The following SRCIN1 variants were observed in gnomAD, a reference collection of about 807,000 sequenced individuals.
SRCIN1 encodes the protein SRC kinase signaling inhibitor 1, also known as P130Cas-associated protein.
In SRCIN1, 50 loss-of-function variants were observed where a neutral mutation model predicts 116.2. The ratio of observed to expected loss-of-function variants is 0.43; its 90% confidence interval spans 0.34 to 0.54. The LOEUF is 0.54. Ranked by LOEUF, SRCIN1 falls within the 20% of genes least tolerant of loss-of-function variation. SRCIN1 has a pLI of 0.02. For synonymous variants in SRCIN1, 736 were observed against 750.0 expected, an observed-to-expected ratio of 0.98 and a Z score of 0.30; for missense variants, 1,446 against 1,672.0, an observed-to-expected ratio of 0.86 and a Z score of 2.36.
intron 1 of SRCIN1, among the ~76,000 whole-genome samples, chr17:38,589,647 T>C (rs909949778): frequency 1.3e-5 from 2 of 152,190 alleles, no homozygotes; most frequent in African/African-American, 2.4e-5. Context: ...CCAGCCCTCA[T>C]TCCACCTCTG....
intron 1 of SRCIN1, among the ~76,000 whole-genome samples, chr17:38,588,216 TATC>T (rs1908236800): frequency 1.3e-5 from 2 of 152,218 alleles, no homozygotes; most frequent in Non-Finnish European, 2.9e-5. Flanking sequence ...GTCAGAGTTG[TATC>T]AGACCCAGGA....
chr17:38,601,624 A>T (rs1318885827), intron 1 of SRCIN1, among the ~76,000 whole-genome samples: 1 of 144,822 alleles, frequency 6.9e-6, no homozygotes, highest in African/African-American at 2.6e-5. Context: ...CGCCCTCAAC[A>T]CATACACACA....
rs938299895 is a variant in SRCIN1 at position 38,568,863 on chromosome 17, T to A, written c.325-632A>T. Reference sequence around the variant, plus strand: ...GGTGGACAAGCAGAAAGTGTCTGAATGGAGCAGAGTGGGATCAGAACTAGA... The same window carrying A: ...GGTGGACAAGCAGAAAGTGTCTGAAAGGAGCAGAGTGGGATCAGAACTAGA... On this transcript the variant is annotated intron_variant, in intron 2 of 18. Coordinates refer to ENST00000617146, the MANE Select transcript of SRCIN1 (RefSeq NM_025248.3). This position sits in a 1 kb window ranked among gnomAD's most constrained non-coding sequence, Gnocchi z 4.5. Among the ~76,000 whole-genome samples the A allele has an allele frequency of 7.0e-6, 1 of 143,328 alleles. No individual in the cohort carries two copies. The highest frequency in any genetic ancestry group is 2.1e-4 in the East Asian group (1 of 4,836). The allele number at this position is 143,328 out of a possible 152,430, so 94.0% of individuals were successfully genotyped here. A position where few individuals can be genotyped will look rare whatever the true frequency, so the allele number is the denominator to read the frequency against.
Position 38,563,654 on chromosome 17 carries a change from G to T in SRCIN1, c.542-133C>A. On this transcript the variant is annotated intron_variant, in intron 4 of 18. Coordinates refer to ENST00000617146, the MANE Select transcript of SRCIN1 (RefSeq NM_025248.3). This position sits in a 1 kb window ranked among gnomAD's most constrained non-coding sequence, Gnocchi z 5.8. Reference sequence around the variant, plus strand: ...CTGAGGCTAGACGCCGCCCCCGAGTGCAGATGCACCCAGGCACCTCTCATG... The same window carrying T: ...CTGAGGCTAGACGCCGCCCCCGAGTTCAGATGCACCCAGGCACCTCTCATG... 1 of 1,248,114 alleles carries T rather than the reference G, an allele frequency of 8.0e-7. No homozygotes were observed. Among genetic ancestry groups the T allele is most frequent in the Non-Finnish European group, 1.1e-6 (1 of 884,824 alleles). 77.3% of individuals were successfully genotyped at this position (1,248,114 alleles called of 1,614,324 possible).
chr17:38,558,207 C>A lies in SRCIN1; in HGVS notation c.2201+20G>T, dbSNP rs374208381. On this transcript the variant is annotated intron_variant, in intron 11 of 18. Coordinates refer to ENST00000617146, the MANE Select transcript of SRCIN1 (RefSeq NM_025248.3). The surrounding 1 kb of genome is among the most constrained non-coding windows in gnomAD (Gnocchi z 4.6). The stretch of plus-strand genomic sequence containing the variant: ...CCAGCCGCACCCCCACCCCTCCCTC[C>A]GCCGCGGGCCCAGCCTCACTTGAGC... The A allele has an allele frequency of 2.5e-6, 4 of 1,605,016 alleles. No individual in the cohort carries two copies. In the Admixed American group the frequency reaches 5.0e-5, roughly 20 times the overall value.
chr17:38,584,703 A>G lies in SRCIN1; in HGVS notation c.23-5912T>C, dbSNP rs1272175334. Among the ~76,000 whole-genome samples, 3 of 152,222 alleles carry G rather than the reference A, an allele frequency of 2.0e-5. No individual in the cohort carries two copies. The East Asian group carries it at 5.8e-4, about 29-fold the overall frequency. ...TGATTATGAGAATTAAGATCCCAACATCTTAGTGACACCATCTCATAAGCC... is the reference window on the plus strand; with the variant it reads ...TGATTATGAGAATTAAGATCCCAACGTCTTAGTGACACCATCTCATAAGCC... On this transcript the variant is annotated intron_variant, in intron 1 of 18. Coordinates refer to ENST00000617146, the MANE Select transcript of SRCIN1 (RefSeq NM_025248.3).
intron 1 of SRCIN1, among the ~76,000 whole-genome samples, chr17:38,603,428 G>C (rs995469220): frequency 1.3e-5 from 2 of 151,684 alleles, no homozygotes; most frequent in African/African-American, 4.9e-5. Flanking sequence ...GTTCATTCGA[G>C]CGACCCTTCC....
chr17:38,584,761 CG>C (rs1378481883), intron 1 of SRCIN1, among the ~76,000 whole-genome samples: 2 of 152,186 alleles, frequency 1.3e-5, no homozygotes, highest in Non-Finnish European at 2.9e-5. Flanking sequence ...ATCTTTACCC[CG>C]GATGTAACCC....
intron 15 of SRCIN1, among the ~76,000 whole-genome samples, chr17:38,550,310 C>T (rs573026762): frequency 9.2e-5 from 14 of 152,072 alleles, no homozygotes; most frequent in South Asian, 2.1e-4. Context: ...CTGGCTAACA[C>T]GGTGAGACCC....
chr17:38,555,879 A>T (rs1905754165), intron 11 of SRCIN1, among the ~76,000 whole-genome samples: 1 of 152,084 alleles, frequency 6.6e-6, no homozygotes, highest in African/African-American at 2.4e-5. Flanking sequence ...AACATCACTC[A>T]GAGGGGGAAG....
At position 38,562,856 on chromosome 17, in the gene SRCIN1, C is replaced by T. The variant is rs780798384; in HGVS notation, c.805G>A (p.Gly269Ser). The T allele has an allele frequency of 4.3e-6, 7 of 1,613,796 alleles. No individual in the cohort carries two copies. Among genetic ancestry groups the T allele is most frequent in the Non-Finnish European group, 5.9e-6 (7 of 1,179,798 alleles). ...AGGTCCCCGTTGGTGAGATGTGAGC[C>T]AGGGAAGGCAGCGTAGAGGGGCTCC... is the stretch of plus-strand genomic sequence containing the variant. ...RKEPLYAAFP[G>S]SHLTNGDLRR... The change falls in exon 6 of 19, where the codon GGC (glycine) becomes AGC (serine). Residue 269 changes from glycine to serine, a missense_variant. Transcript: ENST00000617146. The surrounding 1 kb of genome is among the most constrained non-coding windows in gnomAD (Gnocchi z 4.2).
chr17:38,563,657 G>T lies in SRCIN1; in HGVS notation c.542-136C>A. The T allele has an allele frequency of 8.2e-7, 1 of 1,217,776 alleles. No individual in the cohort carries two copies. Among genetic ancestry groups the T allele is most frequent in the Non-Finnish European group, 1.2e-6 (1 of 857,220 alleles). The allele number at this position is 1,217,776 out of a possible 1,614,324, so 75.4% of individuals were successfully genotyped here. On this transcript the variant is annotated intron_variant, in intron 4 of 18. Coordinates refer to ENST00000617146, the MANE Select transcript of SRCIN1 (RefSeq NM_025248.3). The surrounding 1 kb of genome is among the most constrained non-coding windows in gnomAD (Gnocchi z 5.8). The stretch of plus-strand genomic sequence containing the variant: ...AGGCTAGACGCCGCCCCCGAGTGCA[G>T]ATGCACCCAGGCACCTCTCATGCTG...
At chr17:38,559,405 G>A in intron 10 of SRCIN1, 180 bp downstream of exon 10, 1 of 634,000 alleles carries the variant, frequency 1.6e-6, no homozygotes. Context: ...CGAGGGAGCG[G>A]AAGCTCAAGA....
intron 1 of SRCIN1, among the ~76,000 whole-genome samples, chr17:38,599,487 C>T (rs1363417444): frequency 2.0e-5 from 3 of 152,172 alleles, no homozygotes; most frequent in South Asian, 2.1e-4. Context: ...AGTCCCCTGC[C>T]GCTAGGTCCA....
upstream of SRCIN1, among the ~76,000 whole-genome samples, chr17:38,606,823 C>A (rs559675267): frequency 2.0e-5 from 3 of 152,222 alleles, no homozygotes; most frequent in Admixed American, 6.5e-5. This position sits in a 1 kb window ranked among gnomAD's most constrained non-coding sequence, Gnocchi z 5.2. Context: ...AGGCCCGCGC[C>A]GACACCTCGT....
chr17:38,587,204 C>T (rs1908161282), intron 1 of SRCIN1, among the ~76,000 whole-genome samples: 1 of 152,002 alleles, frequency 6.6e-6, no homozygotes, highest in African/African-American at 2.4e-5. Context: ...GGCCCACCCA[C>T]CACATCAGGA....
intron 1 of SRCIN1, among the ~76,000 whole-genome samples, chr17:38,590,545 AC>A (rs1176655051): frequency 6.6e-6 from 1 of 151,972 alleles, no homozygotes; most frequent in Non-Finnish European, 1.5e-5. Context: ...CATGATAACC[AC>A]CCTTGAACAC....
Position 38,563,298 on chromosome 17 carries a change from C to T in SRCIN1, c.740+25G>A, listed in dbSNP as rs1156351511. On this transcript the variant is annotated intron_variant, in intron 5 of 18. Transcript: ENST00000617146. The surrounding 1 kb of genome is among the most constrained non-coding windows in gnomAD (Gnocchi z 5.8). ...GAGGAGGAGCGTGGGGAAGCCCACC[C>T]AAATCCCCCCCGGTCCACGCCCACC... 1 of 1,558,142 alleles carries T rather than the reference C, an allele frequency of 6.4e-7. No homozygotes were observed. The highest frequency in any genetic ancestry group is 8.7e-7 in the Non-Finnish European group (1 of 1,150,822).
rs187994034 is a variant in SRCIN1 at position 38,533,466 on chromosome 17, G to C, written c.3418-35C>G. Reference sequence around the variant, plus strand: ...AAACAGGGGTCAGGGGTCAGAGAGCGGAAGGGAGCGCCTCCATGCTGGCCC... The same window carrying C: ...AAACAGGGGTCAGGGGTCAGAGAGCCGAAGGGAGCGCCTCCATGCTGGCCC... On this transcript the variant is annotated intron_variant, in intron 18 of 18. Coordinates refer to ENST00000617146, the MANE Select transcript of SRCIN1 (RefSeq NM_025248.3). The C allele has an allele frequency of 1.1e-5, 18 of 1,597,450 alleles. No homozygotes were observed. The South Asian group carries it at 2.0e-4, about 18-fold the overall frequency.
Sources: gnomAD v4.1 joint callset for allele counts (sites outside exome capture counted in the v4.1 genomes callset) on GRCh38, gnomAD v4.1.1 for gene constraint, Gnocchi (gnomAD v3.1) non-coding constraint, MANE v1.5 for transcripts, NCBI Gene and HGNC (gene_info 2026-07-23, HGNC 2026-07-21) for gene names.